Variants in SYNRG observed in about 807,000 individuals in gnomAD.
The protein encoded by SYNRG is AP1 gamma subunit binding protein 1.
In SYNRG, 37 loss-of-function variants were observed where a neutral mutation model predicts 130.9. The observed-to-expected ratio is 0.28, with a 90% CI of 0.22 to 0.37. SYNRG has a LOEUF of 0.37. Ranked by LOEUF, SYNRG falls within the 10% of genes least tolerant of loss-of-function variation. The pLI is 1.00. For synonymous variants in SYNRG, 539 were observed against 568.1 expected, an observed-to-expected ratio of 0.95 and a Z score of 0.73; for missense variants, 1,338 against 1,588.9, an observed-to-expected ratio of 0.84 and a Z score of 2.68.
intron 19 of SYNRG, among the ~76,000 whole-genome samples, chr17:37,533,588 CTTTT>C (rs533546189): frequency 2.2e-5 from 3 of 135,362 alleles, no homozygotes; most frequent in African/African-American, 2.7e-5. Flanking sequence ...TTTTCTTTTT[CTTTT>C]TTTTTTTTTT....
intron 7 of SYNRG, 101 bp from the exon 8 acceptor site, chr17:37,576,519 T>TA: frequency 2.0e-6 from 2 of 1,025,494 alleles, no homozygotes; most frequent in Non-Finnish European, 2.8e-6. Context: ...CTGGAGACAC[T>TA]AAAAAAAGTC....
intron 14 of SYNRG, among the ~76,000 whole-genome samples, chr17:37,544,375 C>T (rs540013826): frequency 3.2e-4 from 48 of 151,432 alleles, no homozygotes; most frequent in Non-Finnish European, 4.6e-4. Flanking sequence ...AGTGCAATGG[C>T]GCGATCTCGG....
chr17:37,545,612 A>C (rs555513331), intron 14 of SYNRG, among the ~76,000 whole-genome samples: 2 of 152,328 alleles, frequency 1.3e-5, no homozygotes, highest in South Asian at 4.1e-4. Flanking sequence ...GGCATTTTTA[A>C]GCATTTTTAA....
chr17:37,596,565 A>C (rs1384337384), intron 2 of SYNRG, among the ~76,000 whole-genome samples: 3 of 152,160 alleles, frequency 2.0e-5, no homozygotes, highest in African/African-American at 7.2e-5. Context: ...AATGAAGATA[A>C]TATCTCTTCT....
intron 3 of SYNRG, among the ~76,000 whole-genome samples, chr17:37,589,648 C>T (rs768632414): frequency 1.3e-5 from 2 of 151,874 alleles, no homozygotes; most frequent in Non-Finnish European, 2.9e-5. Context: ...ATTCGGGAGG[C>T]TGAGGCAGGA....
In SYNRG at chr17:37,550,847, CAT is replaced by C. The variant is rs561045540; in HGVS notation, c.2608+2266_2608+2267del. ...GGTCAGCTCTTGCTGCCAATAAAAC[CAT>C]ATGATTTTAATGACTGCACGTCAAG... On this transcript the variant is annotated intron_variant, in intron 14 of 21. Coordinates refer to ENST00000612223, the MANE Select transcript of SYNRG (RefSeq NM_007247.6). Among the ~76,000 whole-genome samples, 7 of 152,246 alleles carry C rather than the reference CAT, an allele frequency of 4.6e-5. No homozygotes were observed. In the East Asian group the frequency reaches 1.3e-3, roughly 29 times the overall value.
intron 2 of SYNRG, among the ~76,000 whole-genome samples, chr17:37,597,511 G>A (rs183986682): frequency 1.3e-5 from 2 of 152,278 alleles, no homozygotes; most frequent in African/African-American, 4.8e-5. Flanking sequence ...TTCTTTCTAT[G>A]CCTTGGTTTA....
rs748562406 is a variant in SYNRG at position 37,553,409 on chromosome 17, T to C, written c.2314A>G (p.Ser772Gly). 2 of 1,614,042 alleles carry C rather than the reference T, an allele frequency of 1.2e-6. No individual in the cohort carries two copies. Among genetic ancestry groups the C allele is most frequent in the Non-Finnish European group, 1.7e-6 (2 of 1,180,040 alleles). Residue 772 changes from serine to glycine, a missense_variant, in exon 14 of 22, where the codon AGT becomes GGT. By Grantham distance (56) the Ser-to-Gly change is moderately conservative. Transcript: ENST00000612223. ...TGGAAGTCAGCAAAATCATCATCAC[T>C]TTTTCCTGAAGGAGTGTTATCTTTC... Reference protein sequence around the residue: ...DLKDNTPSGKSDDDFADFHSS... With the variant: ...DLKDNTPSGKGDDDFADFHSS...
intron 13 of SYNRG, among the ~76,000 whole-genome samples, chr17:37,558,106 C>T (rs1450222250): frequency 6.6e-6 from 1 of 152,188 alleles, no homozygotes; most frequent in Non-Finnish European, 1.5e-5. Flanking sequence ...GTTACTCCCA[C>T]TGTGTATCTG....
intron 11 of SYNRG, among the ~76,000 whole-genome samples, chr17:37,565,875 C>T (rs2059921993): frequency 1.3e-5 from 2 of 151,518 alleles, no homozygotes; most frequent in African/African-American, 4.9e-5. Flanking sequence ...AAGTGAGGAG[C>T]ATCTCTGCCC....
chr17:37,529,268 T>G (rs113586642), intron 19 of SYNRG, among the ~76,000 whole-genome samples: 6 of 152,140 alleles, frequency 3.9e-5, no homozygotes, highest in Non-Finnish European at 1.5e-5. Flanking sequence ...CCAAACCCAA[T>G]AGGCTTTCTT....
intron 10 of SYNRG, 58 bp from the exon 11 acceptor site, chr17:37,568,982 C>A (rs2060205354): frequency 1.3e-6 from 2 of 1,553,938 alleles, no homozygotes; most frequent in Admixed American, 1.9e-5. Context: ...AAATACACAA[C>A]AAATCAAAAG....
intron 1 of SYNRG, among the ~76,000 whole-genome samples, chr17:37,607,662 G>GC (rs1568572467): frequency 6.6e-6 from 1 of 151,948 alleles, no homozygotes; most frequent in Non-Finnish European, 1.5e-5. Flanking sequence ...GGTGGCGCAC[G>GC]CCTGTAATCC....
chr17:37,549,124 C>T (rs2058518794), intron 14 of SYNRG, among the ~76,000 whole-genome samples: 1 of 144,956 alleles, frequency 6.9e-6, no homozygotes, highest in South Asian at 2.2e-4. Flanking sequence ...AACAAGAAAC[C>T]TGGTCTCAAA....
chr17:37,561,308 C>T (rs1339779718), intron 12 of SYNRG, 51 bp from the exon 13 acceptor site: 2 of 1,587,428 alleles, frequency 1.3e-6, no homozygotes, highest in East Asian at 4.5e-5. Context: ...CTTGAAATCA[C>T]AGCTCCAGGA....
rs570934029 is a variant in SYNRG, at chr17:37,529,238, C to T, written c.3666+6741G>A. Among the ~76,000 whole-genome samples the T allele has an allele frequency of 7.9e-5, 12 of 152,296 alleles. No individual in the cohort carries two copies. The East Asian group carries it at 1.7e-3, about 22-fold the overall frequency. ...GCGCCACCGTATGTGAACAGGGCAA[C>T]GCTCCAGGTTAGATGGGCCCCAAAC... On this transcript the variant is annotated intron_variant, in intron 19 of 21. Coordinates refer to ENST00000612223, the MANE Select transcript of SYNRG (RefSeq NM_007247.6).
At chr17:37,572,575 C>T (rs189740169) in intron 8 of SYNRG, among the ~76,000 whole-genome samples, 38 of 152,218 alleles carry the variant, frequency 2.5e-4, no homozygotes, top group Middle Eastern at 3.4e-3. Flanking sequence ...TGTAACAAGA[C>T]AGCATGCTTT....
chr17:37,558,120 C>T (rs1183701773), intron 13 of SYNRG, among the ~76,000 whole-genome samples: 1 of 152,148 alleles, frequency 6.6e-6, no homozygotes, highest in Non-Finnish European at 1.5e-5. Context: ...GTATCTGATA[C>T]AGGCACTGAG....
chr17:37,581,013 T>C (rs2061288478), intron 6 of SYNRG, among the ~76,000 whole-genome samples: 1 of 152,138 alleles, frequency 6.6e-6, no homozygotes, highest in Non-Finnish European at 1.5e-5. Context: ...TATTTTCTTG[T>C]GAAAAGCATC....
Sources: allele counts gnomAD v4.1 joint callset (sites outside exome capture counted in the v4.1 genomes callset), GRCh38; gene constraint gnomAD v4.1.1; transcripts MANE v1.5; gene names NCBI Gene and HGNC (gene_info 2026-07-23, HGNC 2026-07-21).